LRRC18: variants seen among roughly 807,000 people sequenced by gnomAD.
The protein encoded by LRRC18 is leucine rich repeat containing 18.
In LRRC18, 12 loss-of-function variants were observed where a neutral mutation model predicts 11.2. That is an observed-to-expected ratio of 1.07 (90% confidence interval 0.69 to 1.74). The LOEUF is 1.74. Ranked by LOEUF, LRRC18 falls within the 40% of genes most tolerant of loss-of-function variation. The pLI, the probability that LRRC18 is intolerant of heterozygous loss-of-function variation, is 0.00. For synonymous variants in LRRC18, 155 were observed against 130.6 expected (o/e 1.19, Z -1.27); for missense variants, 374 against 330.5 (o/e 1.13, Z -1.02).
At chr10:48,938,699 G>GC in the LRRC18 span, among the ~76,000 whole-genome samples, 1 of 152,228 alleles carries the variant, frequency 6.6e-6, no homozygotes, top group Non-Finnish European at 1.5e-5. Flanking sequence ...TAGCGCTCAA[G>GC]CTTCTGAAGC....
the LRRC18 span, among the ~76,000 whole-genome samples, chr10:48,921,948 G>C: frequency 6.6e-6 from 1 of 152,044 alleles, no homozygotes; most frequent in Non-Finnish European, 1.5e-5. Flanking sequence ...TATATCATCT[G>C]GCATTTTCCC....
chr10:48,938,226 C>G, the LRRC18 span, among the ~76,000 whole-genome samples: 1 of 152,224 alleles, frequency 6.6e-6, no homozygotes, highest in African/African-American at 2.4e-5. Context: ...TTTGGAGAGG[C>G]AGCAGGATTT....
chr10:48,914,303 T>G, upstream of LRRC18: 1 of 840,308 alleles, frequency 1.2e-6, no homozygotes, highest in Non-Finnish European at 1.8e-6. Flanking sequence ...GTCATGACGC[T>G]TTGCTCTTCA....
At chr10:48,934,648 C>G in the LRRC18 span, among the ~76,000 whole-genome samples, 1 of 152,242 alleles carries the variant, frequency 6.6e-6, no homozygotes, top group Admixed American at 6.5e-5. Context: ...CACCAGACTT[C>G]TTAAAACATG....
intron 1 of LRRC18, among the ~76,000 whole-genome samples, chr10:48,911,262 T>C (rs1837975552): frequency 6.6e-6 from 1 of 151,972 alleles, no homozygotes; most frequent in Non-Finnish European, 1.5e-5. Context: ...AAGAGAAAAA[T>C]GTGAAGGACA....
chr10:48,927,575 A>G, the LRRC18 span, among the ~76,000 whole-genome samples: 20 of 152,284 alleles, frequency 1.3e-4, no homozygotes, highest in African/African-American at 4.8e-4. Flanking sequence ...ACCAAGCTCT[A>G]AGTGTCTTAC....
chr10:48,919,863 C>A, the LRRC18 span, among the ~76,000 whole-genome samples: 5 of 131,410 alleles, frequency 3.8e-5, no homozygotes, highest in Non-Finnish European at 8.8e-5. Context: ...GATATGATCT[C>A]TTTCAAAAAA....
the LRRC18 span, among the ~76,000 whole-genome samples, chr10:48,925,783 C>T: frequency 6.6e-6 from 1 of 152,120 alleles, no homozygotes; most frequent in African/African-American, 2.4e-5. Context: ...GGATTTCTGA[C>T]ATCAATTTTG....
the LRRC18 span, among the ~76,000 whole-genome samples, chr10:48,927,460 T>C: frequency 0.012 from 1,858 of 152,274 alleles, 38 homozygotes; most frequent in African/African-American, 0.042. Context: ...GTTCTTCCCA[T>C]TACGTCAAAA....
the LRRC18 span, among the ~76,000 whole-genome samples, chr10:48,938,489 G>A: frequency 6.6e-6 from 1 of 152,276 alleles, no homozygotes; most frequent in Non-Finnish European, 1.5e-5. Flanking sequence ...AGCCCCCGAT[G>A]GAGGAAGAGC....
chr10:48,910,978 T>C (rs1469043875), intron 1 of LRRC18: 1 of 886,066 alleles, frequency 1.1e-6, no homozygotes, highest in Non-Finnish European at 1.4e-6. Context: ...AGAAAAAGTG[T>C]CTGAAGGGGG....
exon 1 of LRRC18, chr10:48,914,039 A>G (rs146359938): frequency 8.7e-6 from 14 of 1,614,040 alleles, no homozygotes; most frequent in Non-Finnish European, 1.2e-5. Context: ...GGAAGGTGGT[A>G]ATTCCCATCT....
At chr10:48,938,421 C>A in the LRRC18 span, among the ~76,000 whole-genome samples, 18 of 152,370 alleles carry the variant, frequency 1.2e-4, no homozygotes, top group African/African-American at 3.8e-4. Context: ...CGGCTGAGAG[C>A]CTTTGGTCTG....
chr10:48,925,485 T>G, the LRRC18 span, among the ~76,000 whole-genome samples: 1 of 152,218 alleles, frequency 6.6e-6, no homozygotes, highest in South Asian at 2.1e-4. Context: ...CGAAATTGTG[T>G]GCTGTGCTAC....
In LRRC18 at chr10:48,912,782, A is replaced by G. The variant is rs76904680; in HGVS notation, c.764+610T>C. ...AGTCAGAGGTCTGCAGGTTTAGCCA[A>G]GAAAGCTCATAGAGCAAGTTATGCA... is the stretch of plus-strand genomic sequence containing the variant. On this transcript the variant is annotated intron_variant, in intron 1 of 1. Transcript: ENST00000374160. Among the ~76,000 whole-genome samples the G allele has an allele frequency of 8.3e-3, 1,271 of 152,376 alleles. 37 individuals are homozygous for G. The highest frequency in any genetic ancestry group is 0.048 in the Admixed American group (731 of 15,308).
At chr10:48,938,381 A>T in the LRRC18 span, among the ~76,000 whole-genome samples, 2 of 152,222 alleles carry the variant, frequency 1.3e-5, no homozygotes, top group Non-Finnish European at 2.9e-5. Context: ...CAGGGCTGAG[A>T]GGGTGCAGCC....
At chr10:48,930,406 T>C in the LRRC18 span, among the ~76,000 whole-genome samples, 170 of 152,332 alleles carry the variant, frequency 1.1e-3, no homozygotes, top group African/African-American at 4.0e-3. Context: ...ACACAGATGA[T>C]GGCACGACGG....
chr10:48,932,080 A>G, the LRRC18 span, among the ~76,000 whole-genome samples: 3 of 152,244 alleles, frequency 2.0e-5, no homozygotes, highest in Non-Finnish European at 4.4e-5. Context: ...GTCTCATAAC[A>G]CGCCTGAGCC....
the LRRC18 span, among the ~76,000 whole-genome samples, chr10:48,927,285 G>A: frequency 1.3e-5 from 2 of 152,178 alleles, no homozygotes; most frequent in Non-Finnish European, 1.5e-5. Context: ...CATCATGCCC[G>A]TGTCTTCATA....
Sources: gnomAD v4.1 joint callset for allele counts (sites outside exome capture counted in the v4.1 genomes callset) on GRCh38, gnomAD v4.1.1 for gene constraint, MANE v1.5 for transcripts, NCBI Gene and HGNC (gene_info 2026-07-23, HGNC 2026-07-21) for gene names.